The following RXFP1 variants were observed in gnomAD, a reference collection of about 807,000 sequenced individuals.
RXFP1 encodes relaxin family peptide receptor 1.
In RXFP1, 73 loss-of-function variants were observed where a neutral mutation model predicts 89.8. That is an observed-to-expected ratio of 0.81 (90% confidence interval 0.67 to 0.99). The LOEUF (loss-of-function observed/expected upper bound fraction) is 0.99, where lower values mean the gene tolerates loss of function less well. Among genes scored for constraint, RXFP1 ranks in the 50% least tolerant of loss-of-function variants. The probability of loss-of-function intolerance (pLI) is 0.00; values close to 1 mark genes in which losing one functional copy is unlikely to be tolerated. For synonymous variants in RXFP1, 277 were observed against 305.5 expected, an observed-to-expected ratio of 0.91 and a Z score of 0.97; for missense variants, 793 against 895.5, an observed-to-expected ratio of 0.89 and a Z score of 1.46.
chr4:158,650,432 A>AATATAT (rs149845150), intron 17 of RXFP1, among the ~76,000 whole-genome samples: 18,051 of 145,342 alleles, frequency 0.12, 1,297 homozygotes, highest in Admixed American at 0.2. Flanking sequence ...AATATATATA[A>AATATAT]ATATATATAT....
chr4:158,540,371 A>G (rs1034596956), intron 1 of RXFP1, among the ~76,000 whole-genome samples: 1 of 152,102 alleles, frequency 6.6e-6, no homozygotes, highest in Non-Finnish European at 1.5e-5. Flanking sequence ...TGACATTGCC[A>G]TGGCGCCTGT....
At chr4:158,530,963 G>A (rs1743890610) in intron 1 of RXFP1, among the ~76,000 whole-genome samples, 1 of 152,102 alleles carries the variant, frequency 6.6e-6, no homozygotes, top group Admixed American at 6.6e-5. Context: ...TTTTTTCAAA[G>A]TTTCTATGCT....
chr4:158,639,513 G>C (rs886527227), intron 14 of RXFP1, among the ~76,000 whole-genome samples, 182 bp downstream of exon 14: 1 of 152,060 alleles, frequency 6.6e-6, no homozygotes, highest in Non-Finnish European at 1.5e-5. Flanking sequence ...AAGGAGGTAG[G>C]GCCTTTGGGA....
rs375756952 is a variant in RXFP1 at position 158,617,069 on chromosome 4, G to A, written c.681-62G>A. 2.7e-6 allele frequency: 3 copies of A among 1,115,524 alleles called. No homozygotes were observed. The African/African-American group carries it at 4.7e-5, about 18-fold the overall frequency. The allele number at this position is 1,115,524 out of a possible 1,614,324, so 69.1% of individuals were successfully genotyped here. On this transcript the variant is annotated intron_variant, in intron 8 of 17. Transcript: ENST00000307765. Reference sequence around the variant, plus strand: ...TTCATAAGAATAATAATAATACCATGTTTGACCCAAGATGAGAAGAGAACC... The same window carrying A: ...TTCATAAGAATAATAATAATACCATATTTGACCCAAGATGAGAAGAGAACC...
chr4:158,576,539 C>T (rs942881223), intron 2 of RXFP1, among the ~76,000 whole-genome samples: 8 of 152,092 alleles, frequency 5.3e-5, no homozygotes, highest in African/African-American at 1.7e-4. Context: ...TTCTAATACA[C>T]GCTAAGTTTT....
At chr4:158,650,146 C>A (rs576660923) in intron 17 of RXFP1, among the ~76,000 whole-genome samples, 15 of 152,156 alleles carry the variant, frequency 9.9e-5, no homozygotes, top group African/African-American at 3.4e-4. Context: ...CACAAAAGGA[C>A]AAATATTTTA....
intron 12 of RXFP1, 51 bp from the exon 13 acceptor site, chr4:158,637,957 T>C (rs1769532006): frequency 9.1e-7 from 1 of 1,096,844 alleles, no homozygotes. Context: ...TCACTCGCTT[T>C]ACTCATGTAG....
chr4:158,547,430 TTTTTG>T lies in RXFP1; in HGVS notation c.50-25266_50-25262del, dbSNP rs1447892730. Reference sequence around the variant, plus strand: ...TGGATTCATTAAATTTTTGAAGGGTTTTTTGTGTCTCTATTTCCTTCAGTTCTGCT... The same window carrying T: ...TGGATTCATTAAATTTTTGAAGGGTTTGTCTCTATTTCCTTCAGTTCTGCT... On this transcript the variant is annotated intron_variant, in intron 1 of 17. Transcript: ENST00000307765. Among the ~76,000 whole-genome samples, 6 of 152,200 alleles carry T rather than the reference TTTTTG, an allele frequency of 3.9e-5. No individual in the cohort carries two copies. The East Asian group carries it at 1.2e-3, about 29-fold the overall frequency.
intron 3 of RXFP1, among the ~76,000 whole-genome samples, chr4:158,596,265 A>AT (rs35626162): frequency 0.68 from 94,968 of 140,050 alleles, 36,567 homozygotes; most frequent in East Asian, 0.87. Context: ...TTATTTCTTA[A>AT]TTTTTTTTTT....
At chr4:158,632,476 C>T (rs1768248257) in intron 11 of RXFP1, among the ~76,000 whole-genome samples, 1 of 152,156 alleles carries the variant, frequency 6.6e-6, no homozygotes. Context: ...CTCTTGATCA[C>T]CTTACAGAGC....
intron 6 of RXFP1, among the ~76,000 whole-genome samples, chr4:158,609,512 C>T (rs1763161504): frequency 6.6e-6 from 1 of 152,224 alleles, no homozygotes; most frequent in Admixed American, 6.5e-5. Context: ...GAATACATAA[C>T]TCCCTGTATT....
At chr4:158,643,527 G>A (rs1770825099) in intron 14 of RXFP1, among the ~76,000 whole-genome samples, 1 of 137,060 alleles carries the variant, frequency 7.3e-6, no homozygotes, top group Admixed American at 8.3e-5. Context: ...CTGGAGTGCA[G>A]TGGTGCAATC....
At chr4:158,576,241 TCAA>T (rs1383494765) in intron 2 of RXFP1, among the ~76,000 whole-genome samples, 1 of 152,126 alleles carries the variant, frequency 6.6e-6, no homozygotes, top group African/African-American at 2.4e-5. Flanking sequence ...ACCAAATTCA[TCAA>T]CATTACCCAA....
chr4:158,570,439 C>T (rs982721525), intron 1 of RXFP1, among the ~76,000 whole-genome samples: 1 of 152,162 alleles, frequency 6.6e-6, no homozygotes, highest in Non-Finnish European at 1.5e-5. Context: ...TATCTTTATT[C>T]TTGCACCCTA....
At position 158,648,509 on chromosome 4, in the gene RXFP1, G is replaced by T; in HGVS notation, c.1767G>T (p.Leu589Phe). The T allele has an allele frequency of 6.3e-7, 1 of 1,589,344 alleles. No homozygotes were observed. The highest frequency in any genetic ancestry group is 1.7e-5 in the Admixed American group (1 of 57,278). ...TTGTATTCCAAATAGGTATTAATTT[G>T]GCCGCATTTATCATCATAGTTTTTT... ...YSVAIFLGIN[L>F]AAFIIIVFSY... Residue 589 changes from leucine to phenylalanine, a missense_variant, in exon 17 of 18, where the codon TTG (leucine) becomes TTT (phenylalanine). Leu to Phe is a conservative substitution (Grantham distance 22). Transcript: ENST00000307765.
intron 17 of RXFP1, among the ~76,000 whole-genome samples, chr4:158,651,313 A>C (rs568026183): frequency 6.6e-6 from 1 of 152,342 alleles, no homozygotes; most frequent in South Asian, 2.1e-4. Flanking sequence ...ATCAAATGGC[A>C]AAAAAGAAAT....
At chr4:158,545,835 C>T (rs1748197236) in intron 1 of RXFP1, among the ~76,000 whole-genome samples, 1 of 152,156 alleles carries the variant, frequency 6.6e-6, no homozygotes, top group Admixed American at 6.5e-5. Flanking sequence ...CAGTGCCATG[C>T]TGTTTTGGTT....
chr4:158,521,907 C>T lies in RXFP1; in HGVS notation c.-70C>T. On this transcript the variant is annotated 5_prime_UTR_variant, in exon 1 of 18. Coordinates refer to ENST00000307765, the MANE Select transcript of RXFP1 (RefSeq NM_021634.4). ...AGAAATAGCACACAACCACTGTGAG[C>T]TGTATGCGATTCAGAAACCAAGACC... The T allele has an allele frequency of 1.0e-6, 1 of 960,340 alleles. No homozygotes were observed. The allele number at this position is 960,340 out of a possible 1,614,324, so 59.5% of individuals were successfully genotyped here.
In RXFP1 at chr4:158,573,433, G is replaced by T. The variant is rs186003329; in HGVS notation, c.187+598G>T. ...AGCCTGCAGGCTGCATGCGGCCCGG[G>T]ATGGCTTTGAACGCAGCCCAACACA... On this transcript the variant is annotated intron_variant, in intron 2 of 17. Coordinates refer to ENST00000307765, the MANE Select transcript of RXFP1 (RefSeq NM_021634.4). Among the ~76,000 whole-genome samples, 621 of 152,284 alleles carry T rather than the reference G, an allele frequency of 4.1e-3. 5 individuals are homozygous for T. Among genetic ancestry groups the T allele is most frequent in the African/African-American group, 0.014 (590 of 41,570 alleles).
Sources: allele counts gnomAD v4.1 joint callset (sites outside exome capture counted in the v4.1 genomes callset), GRCh38; gene constraint gnomAD v4.1.1; transcripts MANE v1.5; gene names NCBI Gene and HGNC (gene_info 2026-07-23, HGNC 2026-07-21).